Variants in CA10 observed in about 807,000 individuals in gnomAD.
CA10 encodes carbonic anhydrase 10 (inactive).
Under a neutral mutation model 44.2 loss-of-function variants are expected in CA10, and 14 were observed. The observed-to-expected ratio is 0.32, with a 90% CI of 0.21 to 0.50. The LOEUF (loss-of-function observed/expected upper bound fraction) is 0.50, where lower values mean the gene tolerates loss of function less well. Ranked by LOEUF, CA10 falls within the 20% of genes least tolerant of loss-of-function variation. The probability of loss-of-function intolerance (pLI) is 0.99; values close to 1 mark genes in which losing one functional copy is unlikely to be tolerated. For synonymous variants in CA10, 159 were observed against 141.6 expected (o/e 1.12, Z -0.87); for missense variants, 350 against 409.7 (o/e 0.85, Z 1.26).
chr17:51,893,099 G>T (rs1020980190), intron 3 of CA10, among the ~76,000 whole-genome samples: 1 of 151,904 alleles, frequency 6.6e-6, no homozygotes. Flanking sequence ...GTTTTTATAA[G>T]TTGCATAATA....
chr17:51,631,576 T>C lies in CA10; in HGVS notation c.*8A>G, dbSNP rs140367921. The C allele has an allele frequency of 5.6e-4, 895 of 1,612,486 alleles. No homozygotes were observed. The highest frequency in any genetic ancestry group is 7.0e-4 in the Non-Finnish European group (830 of 1,178,606). On this transcript the variant is annotated 3_prime_UTR_variant, in exon 9 of 9. Coordinates refer to ENST00000451037, the MANE Select transcript of CA10 (RefSeq NM_020178.5). ...TCACTGAGGTGGGATTCTTCTTGGC[T>C]TTGTTCCCTACTTGAGGAGCCATTC... is the stretch of plus-strand genomic sequence containing the variant.
At chr17:51,701,857 C>A (rs1194765219) in intron 4 of CA10, among the ~76,000 whole-genome samples, 1 of 152,192 alleles carries the variant, frequency 6.6e-6, no homozygotes, top group Non-Finnish European at 1.5e-5. Flanking sequence ...AGACAGAGTT[C>A]TGAGACACAT....
At chr17:51,671,651 G>A (rs1914429612) in intron 4 of CA10, among the ~76,000 whole-genome samples, 1 of 151,914 alleles carries the variant, frequency 6.6e-6, no homozygotes, top group South Asian at 2.1e-4. Context: ...TGATCCGCCT[G>A]CCTCGGCCTC....
chr17:51,798,274 C>T (rs983776893), intron 3 of CA10, among the ~76,000 whole-genome samples: 2 of 152,200 alleles, frequency 1.3e-5, no homozygotes, highest in Non-Finnish European at 2.9e-5. Context: ...TAGGTGGGCA[C>T]CTCAAGGCGC....
intron 4 of CA10, among the ~76,000 whole-genome samples, chr17:51,663,490 G>C (rs1381002453): frequency 6.6e-6 from 1 of 151,352 alleles, no homozygotes; most frequent in African/African-American, 2.4e-5. Context: ...ACAGGGCATG[G>C]ATGAGGAGAG....
intron 3 of CA10, among the ~76,000 whole-genome samples, chr17:51,832,709 C>T (rs1007014976): frequency 6.6e-6 from 1 of 152,200 alleles, no homozygotes. Context: ...CTTTAAGTAT[C>T]AGCAGCACTG....
chr17:51,974,732 T>G (rs1984403168), intron 2 of CA10, among the ~76,000 whole-genome samples: 1 of 151,988 alleles, frequency 6.6e-6, no homozygotes, highest in African/African-American at 2.4e-5. Flanking sequence ...GTACATTACA[T>G]ACAAGAGAAA....
chr17:51,899,409 G>T (rs1172305735), intron 3 of CA10, among the ~76,000 whole-genome samples: 4 of 152,084 alleles, frequency 2.6e-5, no homozygotes, highest in Non-Finnish European at 5.9e-5. Context: ...TTGCACTGGG[G>T]TATGAGAGTG....
At chr17:51,905,507 C>A (rs1456063959) in intron 3 of CA10, among the ~76,000 whole-genome samples, 1 of 149,814 alleles carries the variant, frequency 6.7e-6, no homozygotes, top group African/African-American at 2.5e-5. Context: ...GAGTTTATGG[C>A]CCATCATCCC....
intron 3 of CA10, among the ~76,000 whole-genome samples, chr17:51,760,396 C>T (rs1905186967): frequency 6.6e-6 from 1 of 152,168 alleles, no homozygotes; most frequent in Admixed American, 6.5e-5. Flanking sequence ...CTGAAGACAG[C>T]CACAGTGGTC....
intron 2 of CA10, among the ~76,000 whole-genome samples, chr17:51,945,890 A>T (rs189139898): frequency 3.3e-5 from 5 of 152,212 alleles, no homozygotes; most frequent in African/African-American, 1.2e-4. Flanking sequence ...AAACAAAAAC[A>T]CACTTAGGAA....
In CA10 at chr17:52,025,394, T is replaced by A. The variant is rs564909412; in HGVS notation, c.136+46925A>T. Among the ~76,000 whole-genome samples the A allele has an allele frequency of 1.6e-3, 240 of 152,180 alleles. 6 individuals are homozygous for A. In the South Asian group the frequency reaches 0.022, roughly 14 times the overall value. On this transcript the variant is annotated intron_variant, in intron 2 of 8. Coordinates refer to ENST00000451037, the MANE Select transcript of CA10 (RefSeq NM_020178.5). ...TTGAAGAAGGACTTCACACTAGTTTTTATAGCTCAGAGTTTCAGGATGATT... is the reference window on the plus strand; with the variant it reads ...TTGAAGAAGGACTTCACACTAGTTTATATAGCTCAGAGTTTCAGGATGATT...
chr17:51,977,986 C>T (rs1402793336), intron 2 of CA10, among the ~76,000 whole-genome samples: 1 of 152,040 alleles, frequency 6.6e-6, no homozygotes, highest in African/African-American at 2.4e-5. Flanking sequence ...GAATGCTCTG[C>T]TGACACAATT....
intron 3 of CA10, among the ~76,000 whole-genome samples, chr17:51,893,448 C>T (rs1980945171): frequency 1.3e-5 from 2 of 152,014 alleles, no homozygotes; most frequent in African/African-American, 4.8e-5. Flanking sequence ...GTCTCTTTGA[C>T]TTAAATACAG....
At chr17:52,082,904 G>A (rs1417853551) in intron 1 of CA10, among the ~76,000 whole-genome samples, 3 of 152,032 alleles carry the variant, frequency 2.0e-5, no homozygotes, top group Non-Finnish European at 4.4e-5. Flanking sequence ...TTGGAATCAG[G>A]TATAGATTTA....
chr17:51,921,820 C>T (rs575332343), intron 3 of CA10, among the ~76,000 whole-genome samples: 15 of 152,218 alleles, frequency 9.9e-5, no homozygotes, highest in Non-Finnish European at 1.6e-4. Flanking sequence ...ATATGTTGCT[C>T]GGCCTGAATC....
chr17:52,062,053 G>A (rs1288638830), intron 2 of CA10, among the ~76,000 whole-genome samples: 1 of 145,544 alleles, frequency 6.9e-6, no homozygotes, highest in Non-Finnish European at 1.5e-5. Context: ...CTTTCAAGAA[G>A]TGGTGTGGCC....
intron 1 of CA10, among the ~76,000 whole-genome samples, chr17:52,115,595 G>T (rs1261549887): frequency 6.8e-6 from 1 of 147,324 alleles, no homozygotes; most frequent in Non-Finnish European, 1.5e-5. Flanking sequence ...ATATTGGGGG[G>T]TGTTCCACCC....
chr17:51,895,666 A>G (rs1981038689), intron 3 of CA10, among the ~76,000 whole-genome samples: 1 of 152,092 alleles, frequency 6.6e-6, no homozygotes, highest in Admixed American at 6.6e-5. Context: ...AACAATCTGG[A>G]ACCAAAATTC....
Sources: allele counts gnomAD v4.1 joint callset (sites outside exome capture counted in the v4.1 genomes callset), GRCh38; gene constraint gnomAD v4.1.1; transcripts MANE v1.5; gene names NCBI Gene and HGNC (gene_info 2026-07-23, HGNC 2026-07-21).